TOR1AIP1: variants seen among roughly 807,000 people sequenced by gnomAD.
TOR1AIP1 encodes torsin-1A-interacting protein 1.
In TOR1AIP1, 54 loss-of-function variants were observed where a neutral mutation model predicts 63.3. The ratio of observed to expected loss-of-function variants is 0.85; its 90% CI spans 0.69 to 1.07. The LOEUF is 1.07. Among genes scored for constraint, TOR1AIP1 ranks in the 50% least tolerant of loss-of-function variants. TOR1AIP1 has a pLI of 0.00. For missense variants in TOR1AIP1, 736 were observed against 715.0 expected, an observed-to-expected ratio of 1.03 and a Z score of -0.33; for synonymous variants, 294 against 273.5, an observed-to-expected ratio of 1.07 and a Z score of -0.74.
intron 2 of TOR1AIP1, among the ~76,000 whole-genome samples, chr1:179,887,609 A>G (rs1244653974): frequency 6.6e-6 from 1 of 152,214 alleles, no homozygotes; most frequent in Non-Finnish European, 1.5e-5. Flanking sequence ...AATTCAGGTT[A>G]TATATACCTA....
At position 179,919,459 on chromosome 1, in the gene TOR1AIP1, A is replaced by C. The variant is rs1235717032; in HGVS notation, c.*1220A>C. 6.6e-6 allele frequency: 1 copy of C among 152,194 alleles called. No individual in the cohort carries two copies. Among genetic ancestry groups the C allele is most frequent in the African/African-American group, 2.4e-5 (1 of 41,448 alleles). 9.4% of individuals were successfully genotyped at this position (152,194 alleles called of 1,614,324 possible). A position where few individuals can be genotyped will look rare whatever the true frequency, so the allele number is the denominator to read the frequency against. On this transcript the variant is annotated 3_prime_UTR_variant, in exon 10 of 10. Coordinates refer to ENST00000606911, the MANE Select transcript of TOR1AIP1 (RefSeq NM_015602.4). ...AGTCCTCTAGTGCAACGCCATAGCA[A>C]ATATAAAGATTTACTATGCACGTGA...
chr1:179,892,779 C>G (rs1478056895), intron 3 of TOR1AIP1, among the ~76,000 whole-genome samples: 1 of 151,010 alleles, frequency 6.6e-6, no homozygotes, highest in Non-Finnish European at 1.5e-5. Flanking sequence ...GAACTTGGAA[C>G]TGAAATAACC....
At chr1:179,893,084 T>C (rs893424760) in intron 3 of TOR1AIP1, among the ~76,000 whole-genome samples, 2 of 151,732 alleles carry the variant, frequency 1.3e-5, no homozygotes, top group African/African-American at 2.4e-5. Flanking sequence ...CTACTAAAAA[T>C]ACAAAAAATT....
chr1:179,895,991 A>G (rs1312458347), intron 3 of TOR1AIP1, among the ~76,000 whole-genome samples: 1 of 137,676 alleles, frequency 7.3e-6, no homozygotes, highest in African/African-American at 2.8e-5. Flanking sequence ...AGTTTAAAAT[A>G]GAGGTAGGTG....
chr1:179,892,749 A>AC (rs922902936), intron 3 of TOR1AIP1, among the ~76,000 whole-genome samples: 1 of 152,000 alleles, frequency 6.6e-6, no homozygotes, highest in African/African-American at 2.4e-5. Flanking sequence ...AAAAAAAAAA[A>AC]AAAAACTTTT....
Position 179,918,015 on chromosome 1 carries a change from C to T in TOR1AIP1, c.1528C>T (p.Leu510=). The T allele has an allele frequency of 1.2e-6, 2 of 1,614,222 alleles. No individual in the cohort carries two copies. Among genetic ancestry groups the T allele is most frequent in the Non-Finnish European group, 1.7e-6 (2 of 1,180,048 alleles). Residue 510 remains leucine (L), a synonymous_variant, in exon 10 of 10, where the codon CTG becomes TTG. Transcript: ENST00000606911. The part of the protein sequence containing the change: ...NAAFKDVALV[L]TVLLEEETLG... ...GGCCTTCAAAGATGTAGCCTTAGTC[C>T]TGACTGTCTTATTGGAGGAAGAGAC...
chr1:179,914,664 C>T (rs1396472775), intron 9 of TOR1AIP1, among the ~76,000 whole-genome samples: 3 of 152,128 alleles, frequency 2.0e-5, no homozygotes, highest in African/African-American at 7.2e-5. Context: ...CGTGGTGGCA[C>T]ACGCCTGTTG....
At chr1:179,899,719 A>G (rs1398189604) in intron 3 of TOR1AIP1, among the ~76,000 whole-genome samples, 2 of 152,164 alleles carry the variant, frequency 1.3e-5, no homozygotes, top group African/African-American at 4.8e-5. Context: ...ATCTCGGCTC[A>G]CTGCAACCTC....
Position 179,903,950 on chromosome 1 carries a change from GTTTTTTA to G in TOR1AIP1, c.740-8_740-2del. On this transcript the variant is annotated splice_polypyrimidine_tract_variant and intron_variant, in intron 5 of 9. Transcript: ENST00000606911. Reference sequence around the variant, plus strand: ...AGTTGGATATTATTTATAGTGTACTGTTTTTTATTTTTTAGATAAAACCACCAGATCA... The same window carrying G: ...AGTTGGATATTATTTATAGTGTACTGTTTTTTAGATAAAACCACCAGATCA... The G allele has an allele frequency of 6.4e-7, 1 of 1,550,898 alleles. No homozygotes were observed. The highest frequency in any genetic ancestry group is 8.9e-7 in the Non-Finnish European group (1 of 1,128,712).
rs1369684939 is a variant in TOR1AIP1, at chr1:179,917,488, A to G, written c.1001A>G (p.Lys334Arg). ...CAACCCCAAAATGCATCTTTTGTCAAGAGGAACCGGTGGTGGCTACTTCCT... is the reference window on the plus strand; with the variant it reads ...CAACCCCAAAATGCATCTTTTGTCAGGAGGAACCGGTGGTGGCTACTTCCT... ...TGQPQNASFV[K>R]RNRWWLLPLI... Residue 334 changes from lysine to arginine, a missense_variant, in exon 10 of 10, where the codon AAG becomes AGG. By Grantham distance (26) the Lys-to-Arg change is conservative. Transcript: ENST00000606911. 2.5e-6 allele frequency: 4 copies of G among 1,613,220 alleles called. No individual in the cohort carries two copies. The highest frequency in any genetic ancestry group is 8.5e-7 in the Non-Finnish European group (1 of 1,179,976).
intron 3 of TOR1AIP1, among the ~76,000 whole-genome samples, chr1:179,896,598 G>A (rs971936682): frequency 1.3e-5 from 2 of 151,788 alleles, no homozygotes; most frequent in East Asian, 1.9e-4. Context: ...GATCCTAGAC[G>A]AGAAGCACCC....
At position 179,919,976 on chromosome 1, in the gene TOR1AIP1, C is replaced by G. The variant is rs930292124; in HGVS notation, c.*1737C>G. The G allele has an allele frequency of 6.6e-6, 1 of 152,040 alleles. No individual in the cohort carries two copies. The highest frequency in any genetic ancestry group is 1.5e-5 in the Non-Finnish European group (1 of 68,004). The allele number at this position is 152,040 out of a possible 1,614,324, so 9.4% of individuals were successfully genotyped here. A position where few individuals can be genotyped will look rare whatever the true frequency, so the allele number is the denominator to read the frequency against. On this transcript the variant is annotated 3_prime_UTR_variant, in exon 10 of 10. Coordinates refer to ENST00000606911, the MANE Select transcript of TOR1AIP1 (RefSeq NM_015602.4). ...AAGTAATTTAAAAGTAATATGTTAC[C>G]TATGTCTTTCAGGAAAAATAATTAT...
In TOR1AIP1 at chr1:179,907,826, A is replaced by G. The variant is rs745407070; in HGVS notation, c.800A>G (p.Gln267Arg). The change falls in exon 7 of 10, where the codon CAA (glutamine) becomes CGA (arginine). Residue 267 changes from glutamine (Q) to arginine (R), a missense_variant. Transcript: ENST00000606911. Reference protein sequence around the residue: ...IESFWQSSQSQNFTAHDKQPS... With the variant: ...IESFWQSSQSRNFTAHDKQPS... Reference sequence around the variant, plus strand: ...TTATCCCTGTTTTCTGTTTCAGGTCAAAACTTCACAGCTCATGATAAGCAA... The same window carrying G: ...TTATCCCTGTTTTCTGTTTCAGGTCGAAACTTCACAGCTCATGATAAGCAA... 4.4e-6 allele frequency: 7 copies of G among 1,591,086 alleles called. No individual in the cohort carries two copies. The highest frequency in any genetic ancestry group is 2.3e-5 in the East Asian group (1 of 43,676).
chr1:179,884,251 A>G (rs2148469684), intron 1 of TOR1AIP1, among the ~76,000 whole-genome samples: 1 of 152,318 alleles, frequency 6.6e-6, no homozygotes, highest in Middle Eastern at 3.4e-3. Flanking sequence ...AATGCTTTGT[A>G]CATGGTAGGC....
chr1:179,889,936 C>T (rs908767526), intron 3 of TOR1AIP1, among the ~76,000 whole-genome samples: 8 of 152,258 alleles, frequency 5.3e-5, no homozygotes, highest in African/African-American at 1.9e-4. Context: ...AGGCATGAGC[C>T]ACGGCACCTG....
chr1:179,910,016 A>G lies in TOR1AIP1; in HGVS notation c.907+1343A>G, dbSNP rs544745639. The stretch of plus-strand genomic sequence containing the variant: ...TGACCTCAAGTGATCCGCCTGCTTC[A>G]GCCTCCCAAAGTGTTGGGATTACAG... On this transcript the variant is annotated intron_variant, in intron 8 of 9. Coordinates refer to ENST00000606911, the MANE Select transcript of TOR1AIP1 (RefSeq NM_015602.4). 4.6e-5 allele frequency among the ~76,000 whole-genome samples: 7 copies of G among 152,260 alleles called. No homozygotes were observed. In the East Asian group the frequency reaches 1.2e-3, roughly 25 times the overall value.
At chr1:179,908,438 C>T (rs141409982) in intron 7 of TOR1AIP1, among the ~76,000 whole-genome samples, 167 bp from the exon 8 acceptor site, 2 of 152,292 alleles carry the variant, frequency 1.3e-5, no homozygotes, top group African/African-American at 4.8e-5. Flanking sequence ...TTCATCCTCA[C>T]TGATACGATC....
chr1:179,885,272 A>G (rs1647878765), intron 2 of TOR1AIP1, among the ~76,000 whole-genome samples: 1 of 152,218 alleles, frequency 6.6e-6, no homozygotes, highest in Non-Finnish European at 1.5e-5. Flanking sequence ...TCATTGTTTT[A>G]TGTACCACCT....
At chr1:179,914,311 A>G (rs758341735) in intron 9 of TOR1AIP1, among the ~76,000 whole-genome samples, 2 of 152,340 alleles carry the variant, frequency 1.3e-5, no homozygotes, top group African/African-American at 2.4e-5. Flanking sequence ...TAAAGCTACT[A>G]ATACTGTTAA....
Sources: gnomAD v4.1 joint callset for allele counts (sites outside exome capture counted in the v4.1 genomes callset) on GRCh38, gnomAD v4.1.1 for gene constraint, MANE v1.5 for transcripts, NCBI Gene and HGNC (gene_info 2026-07-23, HGNC 2026-07-21) for gene names.